Variants in IL1RAPL1 observed in about 807,000 individuals in gnomAD.
The protein encoded by IL1RAPL1 is interleukin-1 receptor accessory protein-like 1.
Under a neutral mutation model 48.4 loss-of-function variants are expected in IL1RAPL1, and 3 were observed. The ratio of observed to expected loss-of-function variants is 0.06; its 90% confidence interval spans 0.03 to 0.16. IL1RAPL1 has a LOEUF of 0.16. IL1RAPL1 is among the 10% of genes least tolerant of loss of function. IL1RAPL1 has a pLI of 1.00. For missense variants in IL1RAPL1, 349 were observed against 530.6 expected, an observed-to-expected ratio of 0.66 and a Z score of 3.36; for synonymous variants, 185 against 187.7, an observed-to-expected ratio of 0.99 and a Z score of 0.12.
chrX:29,793,830 C>T (rs1306825663), intron 6 of IL1RAPL1, among the ~76,000 whole-genome samples: 1 of 111,960 alleles, frequency 8.9e-6, no homozygotes, highest in African/African-American at 3.2e-5. Context: ...TGCACTGAAA[C>T]AGTTATATAT....
chrX:29,146,212 T>G, intron 2 of IL1RAPL1, among the ~76,000 whole-genome samples: 1 of 111,432 alleles, frequency 9.0e-6, no homozygotes, highest in Non-Finnish European at 1.9e-5. Context: ...ACACAAGGCT[T>G]CTTCCCTTTT....
intron 5 of IL1RAPL1, among the ~76,000 whole-genome samples, chrX:29,480,875 A>G (rs1935035617): frequency 9.0e-6 from 1 of 111,518 alleles, no homozygotes; most frequent in South Asian, 3.8e-4. Flanking sequence ...GGCTGAATGA[A>G]AATGCCATTT....
At chrX:29,683,206 A>G (rs1420221756) in intron 6 of IL1RAPL1, among the ~76,000 whole-genome samples, 1 of 112,010 alleles carries the variant, frequency 8.9e-6, no homozygotes, top group Non-Finnish European at 1.9e-5. Flanking sequence ...TCAAATCCAC[A>G]TAGGTGGCTA....
chrX:29,283,091 G>T lies in IL1RAPL1; in HGVS notation c.236G>T (p.Ser79Ile), dbSNP rs1228304498. Residue 79 changes from serine to isoleucine, a missense_variant, in exon 3 of 11, where the codon AGT (serine) becomes ATT (isoleucine). Transcript: ENST00000378993. ...GGACTCAGTTTGATGTGGTACAAAA[G>T]TTCTGGTCCTGGAGACTTTGAAGAG... ...SAGLSLMWYK[S>I]SGPGDFEEPI... 8.3e-7 allele frequency: 1 copy of T among 1,211,797 alleles called. No individual in the cohort carries two copies. The highest frequency in any genetic ancestry group is 3.0e-5 in the East Asian group (1 of 33,828).
chrX:28,608,015 T>C (rs1445338144), intron 1 of IL1RAPL1, among the ~76,000 whole-genome samples: 1 of 111,510 alleles, frequency 9.0e-6, no homozygotes, highest in Non-Finnish European at 1.9e-5. Flanking sequence ...GTTTCTTTCC[T>C]GAGGGCATGA....
At chrX:29,595,552 CTGTT>C (rs775651468) in intron 5 of IL1RAPL1, among the ~76,000 whole-genome samples, 4 of 111,633 alleles carry the variant, frequency 3.6e-5, no homozygotes, top group Non-Finnish European at 5.6e-5. Flanking sequence ...GGAGAGTTGT[CTGTT>C]TGTGTCCTTA....
chrX:29,152,459 G>A (rs747243246), intron 2 of IL1RAPL1, among the ~76,000 whole-genome samples: 2 of 111,306 alleles, frequency 1.8e-5, no homozygotes, highest in Non-Finnish European at 3.8e-5. Flanking sequence ...CCTACTCCCC[G>A]TCCCACATAG....
intron 5 of IL1RAPL1, among the ~76,000 whole-genome samples, chrX:29,446,750 G>T (rs899687730): frequency 1.8e-5 from 2 of 111,369 alleles, no homozygotes; most frequent in Admixed American, 1.9e-4. Context: ...GGAGAAACCA[G>T]TTATACTTTG....
chrX:29,253,536 G>A (rs1931702944), intron 2 of IL1RAPL1, among the ~76,000 whole-genome samples: 1 of 111,199 alleles, frequency 9.0e-6, no homozygotes, highest in South Asian at 3.7e-4. Flanking sequence ...ATCAATCCAA[G>A]TATTTTACAC....
At chrX:29,805,139 A>C (rs894963767) in intron 6 of IL1RAPL1, among the ~76,000 whole-genome samples, 3 of 111,742 alleles carry the variant, frequency 2.7e-5, no homozygotes, top group South Asian at 7.4e-4. Flanking sequence ...CACTATTTCT[A>C]CTTTTCATAC....
chrX:28,974,734 G>A (rs1338109443), intron 2 of IL1RAPL1, among the ~76,000 whole-genome samples: 1 of 111,663 alleles, frequency 9.0e-6, no homozygotes, highest in Non-Finnish European at 1.9e-5. Context: ...CTCATAAATG[G>A]CCAGCTCAGT....
intron 6 of IL1RAPL1, among the ~76,000 whole-genome samples, chrX:29,779,727 T>C (rs1284590693): frequency 8.9e-6 from 1 of 111,952 alleles, no homozygotes; most frequent in African/African-American, 3.2e-5. Flanking sequence ...ATACTTAATT[T>C]CACTTAATAT....
In IL1RAPL1 at chrX:29,946,431, A is replaced by C. The variant is rs760835502; in HGVS notation, c.1201+4637A>C. Among the ~76,000 whole-genome samples the C allele has an allele frequency of 5.4e-5, 6 of 112,049 alleles. No homozygotes were observed. In the South Asian group the frequency reaches 2.2e-3, roughly 41 times the overall value. ...ATTGAGAATGAACCTAAGACAATGT[A>C]ATCTTGCATAATTCTCTGAGGTTTT... On this transcript the variant is annotated intron_variant, in intron 9 of 10. Transcript: ENST00000378993.
chrX:29,803,366 T>G (rs188495902), intron 6 of IL1RAPL1, among the ~76,000 whole-genome samples: 1 of 82,452 alleles, frequency 1.2e-5, no homozygotes, highest in Non-Finnish European at 2.3e-5. Context: ...TGTATACACA[T>G]ATGTATATAT....
At chrX:29,925,721 G>A (rs1932884864) in intron 8 of IL1RAPL1, among the ~76,000 whole-genome samples, 1 of 107,994 alleles carries the variant, frequency 9.3e-6, no homozygotes, top group African/African-American at 3.4e-5. Context: ...AAAAAAAATT[G>A]TAGAGACAGG....
intron 2 of IL1RAPL1, among the ~76,000 whole-genome samples, chrX:28,890,949 G>A (rs1922755812): frequency 8.9e-6 from 1 of 112,394 alleles, no homozygotes; most frequent in African/African-American, 3.2e-5. Context: ...TCACTGCTCT[G>A]CAAATAGTAT....
At chrX:29,216,348 C>T (rs1194334336) in intron 2 of IL1RAPL1, among the ~76,000 whole-genome samples, 1 of 110,099 alleles carries the variant, frequency 9.1e-6, no homozygotes, top group Non-Finnish European at 1.9e-5. Flanking sequence ...TGCCACCACG[C>T]CTGGCTAATT....
chrX:29,371,103 C>T (rs889891524), intron 3 of IL1RAPL1, among the ~76,000 whole-genome samples: 8 of 95,843 alleles, frequency 8.3e-5, no homozygotes. Context: ...ATCACTAGAA[C>T]TTATTTCTCC....
At chrX:28,825,789 A>T (rs1345721260) in intron 2 of IL1RAPL1, among the ~76,000 whole-genome samples, 1 of 110,429 alleles carries the variant, frequency 9.1e-6, no homozygotes, top group Non-Finnish European at 1.9e-5. Flanking sequence ...TTAGTATGCT[A>T]TTTTTTTGAA....
Sources: allele counts gnomAD v4.1 joint callset (sites outside exome capture counted in the v4.1 genomes callset), GRCh38; gene constraint gnomAD v4.1.1; transcripts MANE v1.5; gene names NCBI Gene and HGNC (gene_info 2026-07-23, HGNC 2026-07-21).